The following ATP7B variants were observed in gnomAD, a reference collection of about 807,000 sequenced individuals.
ATP7B encodes ATPase copper transporting beta.
In ATP7B, 113 loss-of-function variants were observed where a neutral mutation model predicts 118.9. That is an observed-to-expected ratio of 0.95 (90% CI 0.82 to 1.11). ATP7B has a LOEUF of 1.11. Among genes scored for constraint, ATP7B ranks in the 50% most tolerant of loss-of-function variants. The pLI is 0.00. For synonymous variants in ATP7B, 777 were observed against 727.4 expected (o/e 1.07, Z -1.10); for missense variants, 1,867 against 1,871.4 (o/e 1.00, Z 0.04).
At chr13:51,985,062 TAAC>T (rs1952590867) in intron 1 of ATP7B, among the ~76,000 whole-genome samples, 1 of 152,158 alleles carries the variant, frequency 6.6e-6, no homozygotes, top group African/African-American at 2.4e-5. Context: ...AATTCACACA[TAAC>T]AATACTAACC....
chr13:51,961,422 A>T (rs1289921796), intron 6 of ATP7B, among the ~76,000 whole-genome samples: 1 of 152,092 alleles, frequency 6.6e-6, no homozygotes, highest in Non-Finnish European at 1.5e-5. Flanking sequence ...TTCAAATTCT[A>T]GTTCTAGAAC....
Position 51,939,083 on chromosome 13 carries a change from T to C in ATP7B, c.3667A>G (p.Asn1223Asp). The change falls in exon 17 of 21, where the codon AAC (asparagine) becomes GAC (aspartate). Residue 1223 changes from asparagine (N) to aspartate (D), a missense_variant. Coordinates refer to ENST00000242839, the MANE Select transcript of ATP7B (RefSeq NM_000053.4). ...GCAATAGCTCTGGCTGTCTTCCGGT[T>C]GTCCCCCGTGATCAGAACCACGTCC... ...GVDVVLITGD[N>D]RKTARAIATQ... 6.2e-7 allele frequency: 1 copy of C among 1,614,278 alleles called. No individual in the cohort carries two copies. Among genetic ancestry groups the C allele is most frequent in the South Asian group, 1.1e-5 (1 of 91,092 alleles).
chr13:51,939,976 T>A (rs558241150), intron 16 of ATP7B, among the ~76,000 whole-genome samples: 1 of 146,862 alleles, frequency 6.8e-6, no homozygotes, highest in African/African-American at 2.5e-5. Context: ...CAGGATAGAA[T>A]CTGAGCACTA....
chr13:51,973,498 T>G (rs1951941410), intron 2 of ATP7B, among the ~76,000 whole-genome samples: 1 of 152,132 alleles, frequency 6.6e-6, no homozygotes, highest in South Asian at 2.1e-4. Context: ...CATCGAGGCT[T>G]TCTAAAAAGA....
chr13:51,970,228 T>C (rs1217435947), intron 3 of ATP7B, among the ~76,000 whole-genome samples: 1 of 152,176 alleles, frequency 6.6e-6, no homozygotes. Context: ...AACTGAGAAG[T>C]CTATCCACAA....
At chr13:51,988,142 T>G (rs1159425890) in intron 1 of ATP7B, among the ~76,000 whole-genome samples, 1 of 151,130 alleles carries the variant, frequency 6.6e-6, no homozygotes, top group Non-Finnish European at 1.5e-5. Flanking sequence ...TGGGAGAAAA[T>G]TTTTGCAATC....
chr13:51,957,920 T>A, intron 8 of ATP7B: 1 of 463,568 alleles, frequency 2.2e-6, no homozygotes, highest in South Asian at 2.1e-5. Flanking sequence ...TGAGTTCCAT[T>A]CTCTTGTAAG....
chr13:51,943,963 T>C, intron 14 of ATP7B, 146 bp downstream of exon 14: 1 of 995,246 alleles, frequency 1.0e-6, no homozygotes, highest in Non-Finnish European at 1.5e-6. Context: ...GTGAGCCCTA[T>C]ATCTCCGCCT....
At chr13:51,938,615 G>A (rs979129747) in intron 17 of ATP7B, among the ~76,000 whole-genome samples, 9 of 152,332 alleles carry the variant, frequency 5.9e-5, no homozygotes, top group Middle Eastern at 3.4e-3. Flanking sequence ...CCATCCAGTG[G>A]TGCTGTCCTC....
At chr13:52,008,079 C>T (rs923421570) in intron 1 of ATP7B, among the ~76,000 whole-genome samples, 9 of 151,940 alleles carry the variant, frequency 5.9e-5, no homozygotes, top group Non-Finnish European at 1.2e-4. Context: ...AGTGGCCTCA[C>T]GCCTGTAATT....
chr13:52,007,475 T>C (rs185236393), intron 1 of ATP7B, among the ~76,000 whole-genome samples: 18 of 152,294 alleles, frequency 1.2e-4, no homozygotes, highest in Admixed American at 1.2e-3. Context: ...CACTCTGGCT[T>C]TCCTATTGTT....
intron 4 of ATP7B, among the ~76,000 whole-genome samples, chr13:51,965,304 G>A (rs1951491378): frequency 6.6e-6 from 1 of 152,136 alleles, no homozygotes; most frequent in Non-Finnish European, 1.5e-5. Flanking sequence ...TTGACTTCCG[G>A]CTCTGATACA....
At chr13:51,950,445 A>C in intron 9 of ATP7B, 46 bp from the exon 10 acceptor site, 1 of 1,611,766 alleles carries the variant, frequency 6.2e-7, no homozygotes, top group Non-Finnish European at 8.5e-7. Context: ...TCATTCGGTC[A>C]CCGGGTCAGG....
chr13:51,984,136 C>A (rs1393683671), intron 1 of ATP7B, among the ~76,000 whole-genome samples: 3 of 152,022 alleles, frequency 2.0e-5, no homozygotes, highest in East Asian at 3.9e-4. Context: ...GTAGCATGTT[C>A]TAACCCAAGG....
intron 1 of ATP7B, among the ~76,000 whole-genome samples, chr13:51,976,257 G>T (rs1952114170): frequency 6.6e-6 from 1 of 152,288 alleles, no homozygotes; most frequent in East Asian, 1.9e-4. Context: ...GTCTTCAGAT[G>T]AATCTCCTTT....
intron 1 of ATP7B, among the ~76,000 whole-genome samples, chr13:51,983,964 G>A (rs993163453): frequency 2.6e-5 from 4 of 152,060 alleles, no homozygotes; most frequent in Non-Finnish European, 5.9e-5. Context: ...AGAAACCAGC[G>A]CAACAAGCCT....
chr13:51,945,390 G>A (rs1163636419), intron 13 of ATP7B, among the ~76,000 whole-genome samples: 1 of 152,166 alleles, frequency 6.6e-6, no homozygotes, highest in Non-Finnish European at 1.5e-5. Context: ...GTTAGATGCT[G>A]GGGATACCGC....
upstream of ATP7B, chr13:52,011,583 C>T: frequency 4.9e-6 from 3 of 613,878 alleles, no homozygotes; most frequent in South Asian, 5.4e-5. Context: ...GACCTGGGGG[C>T]ACGGGGATGA....
chr13:51,949,722 C>G lies in ATP7B; in HGVS notation c.2805G>C (p.Thr935=), dbSNP rs141872590. Residue 935 remains threonine (T), a synonymous_variant, in exon 12 of 21, where the codon ACG becomes ACC. Transcript: ENST00000242839. ...AACCGATTACAATCCATACCACCAA[C>G]GTCAAAGTTGACATGATGATGATAA... The part of the protein sequence containing the change: ...VPFIIIMSTL[T]LVVWIVIGFI... 1 of 1,614,010 alleles carries G rather than the reference C, an allele frequency of 6.2e-7. No individual in the cohort carries two copies.
Sources: gnomAD v4.1 joint callset for allele counts (sites outside exome capture counted in the v4.1 genomes callset) on GRCh38, gnomAD v4.1.1 for gene constraint, MANE v1.5 for transcripts, NCBI Gene and HGNC (gene_info 2026-07-23, HGNC 2026-07-21) for gene names.